The following OTUD7A variants were observed in gnomAD, a reference collection of about 807,000 sequenced individuals.
OTUD7A encodes the protein OTU domain-containing protein 7A.
A neutral mutation model predicts 65.7 loss-of-function variants in OTUD7A; 12 were observed. That is an observed-to-expected ratio of 0.18 (90% CI 0.12 to 0.30). OTUD7A has a LOEUF of 0.30. Among genes scored for constraint, OTUD7A ranks in the 10% least tolerant of loss-of-function variants. The pLI, the probability that OTUD7A is intolerant of heterozygous loss-of-function variation, is 1.00. For synonymous variants in OTUD7A, 641 were observed against 586.3 expected (o/e 1.09, Z -1.35); for missense variants, 1,148 against 1,304.8 (o/e 0.88, Z 1.85).
chr15:31,857,262 C>T (rs1897599848), intron 1 of OTUD7A, among the ~76,000 whole-genome samples: 1 of 152,198 alleles, frequency 6.6e-6, no homozygotes. Flanking sequence ...ACGGTAGCAC[C>T]TAGGGCCTGC....
intron 1 of OTUD7A, among the ~76,000 whole-genome samples, chr15:31,682,501 C>T (rs191244644): frequency 2.1e-4 from 32 of 152,268 alleles, no homozygotes; most frequent in African/African-American, 6.5e-4. Flanking sequence ...CCTCCTGTGG[C>T]CAAGACAGTA....
At chr15:31,540,341 A>G (rs190198584) in intron 5 of OTUD7A, among the ~76,000 whole-genome samples, 68 of 152,324 alleles carry the variant, frequency 4.5e-4, no homozygotes, top group African/African-American at 1.5e-3. Flanking sequence ...AGACCAACTG[A>G]TTCAAGTTGA....
At chr15:31,577,831 A>G (rs1029557841) in intron 3 of OTUD7A, among the ~76,000 whole-genome samples, 15 of 150,852 alleles carry the variant, frequency 9.9e-5, no homozygotes, top group Non-Finnish European at 2.1e-4. Flanking sequence ...AAAAAAAAAA[A>G]AAACAACACA....
intron 3 of OTUD7A, among the ~76,000 whole-genome samples, chr15:31,589,088 C>T (rs1181750302): frequency 6.6e-6 from 1 of 152,180 alleles, no homozygotes; most frequent in East Asian, 1.9e-4. Flanking sequence ...GTTTTGGAAA[C>T]AGCTAGTTGC....
intron 8 of OTUD7A, among the ~76,000 whole-genome samples, chr15:31,506,578 G>T (rs758515184): frequency 6.6e-6 from 1 of 152,094 alleles, no homozygotes; most frequent in Non-Finnish European, 1.5e-5. Flanking sequence ...CAGCTAACTG[G>T]ATTAGTACTG....
intron 1 of OTUD7A, among the ~76,000 whole-genome samples, chr15:31,744,379 A>G (rs1326531071): frequency 1.3e-5 from 2 of 152,188 alleles, no homozygotes; most frequent in Admixed American, 6.5e-5. Flanking sequence ...GTCCTGTAAT[A>G]AATGAAAAAT....
chr15:31,537,708 T>G (rs1398345015), intron 5 of OTUD7A, among the ~76,000 whole-genome samples: 1 of 152,162 alleles, frequency 6.6e-6, no homozygotes. Flanking sequence ...TACAAAGGCA[T>G]AAAACTCAAC....
intron 1 of OTUD7A, among the ~76,000 whole-genome samples, chr15:31,699,035 A>G (rs961489067): frequency 2.0e-5 from 3 of 151,590 alleles, no homozygotes; most frequent in African/African-American, 7.2e-5. Flanking sequence ...TGCTTTGCTG[A>G]AGTACGAGAC....
intron 3 of OTUD7A, among the ~76,000 whole-genome samples, chr15:31,594,064 G>C (rs997753624): frequency 2.0e-5 from 3 of 152,080 alleles, no homozygotes; most frequent in Non-Finnish European, 4.4e-5. Context: ...ACCTTAAAAT[G>C]GTTCTTAAAA....
chr15:31,852,048 G>C (rs151234984), intron 1 of OTUD7A, among the ~76,000 whole-genome samples: 1 of 152,228 alleles, frequency 6.6e-6, no homozygotes, highest in East Asian at 1.9e-4. Flanking sequence ...TAGTAGAGAC[G>C]GGGTTTCACC....
intron 1 of OTUD7A, among the ~76,000 whole-genome samples, chr15:31,762,454 A>G (rs1256941910): frequency 6.6e-6 from 1 of 152,276 alleles, no homozygotes; most frequent in Non-Finnish European, 1.5e-5. Context: ...ATAAAGAACC[A>G]GAAAGACTGT....
At chr15:31,846,075 A>G (rs946548727) in intron 1 of OTUD7A, among the ~76,000 whole-genome samples, 6 of 152,202 alleles carry the variant, frequency 3.9e-5, no homozygotes, top group Non-Finnish European at 7.4e-5. Context: ...TCGGGCTTCA[A>G]GCCCCTGCAA....
chr15:31,755,966 C>A (rs908481391), intron 1 of OTUD7A, among the ~76,000 whole-genome samples: 3 of 152,156 alleles, frequency 2.0e-5, no homozygotes, highest in African/African-American at 7.2e-5. Flanking sequence ...TGGGCTTAAG[C>A]CTTCTGCAAA....
chr15:31,722,646 GGGAGTGACCAGAGCCA>G (rs1254904795), intron 1 of OTUD7A, among the ~76,000 whole-genome samples: 1 of 152,250 alleles, frequency 6.6e-6, no homozygotes, highest in African/African-American at 2.4e-5. Context: ...CTGCGGCCCA[GGGAGTGACCAGAGCCA>G]GCAGAGTTGC....
At chr15:31,594,506 G>C (rs1447135029) in intron 3 of OTUD7A, among the ~76,000 whole-genome samples, 1 of 152,204 alleles carries the variant, frequency 6.6e-6, no homozygotes, top group Non-Finnish European at 1.5e-5. Context: ...TAGCAGTGGA[G>C]TCTGCTGCAA....
chr15:31,799,225 T>C (rs1896055404), intron 1 of OTUD7A, among the ~76,000 whole-genome samples: 1 of 152,134 alleles, frequency 6.6e-6, no homozygotes, highest in African/African-American at 2.4e-5. Flanking sequence ...CTGCAGGCCA[T>C]GGAGATGGCT....
intron 1 of OTUD7A, among the ~76,000 whole-genome samples, chr15:31,799,959 C>A (rs1401978795): frequency 2.0e-5 from 3 of 152,068 alleles, no homozygotes; most frequent in African/African-American, 7.2e-5. Context: ...ATGGGGGGAA[C>A]CACACATTAT....
chr15:31,554,365 A>G (rs959125763), intron 5 of OTUD7A, among the ~76,000 whole-genome samples: 2 of 152,132 alleles, frequency 1.3e-5, no homozygotes, highest in African/African-American at 2.4e-5. Context: ...CACTGGGTCA[A>G]TCTGTCTCCA....
chr15:31,624,908 GC>G (rs1222390963), intron 3 of OTUD7A, among the ~76,000 whole-genome samples: 2 of 152,088 alleles, frequency 1.3e-5, no homozygotes, highest in Admixed American at 1.3e-4. Flanking sequence ...CTCCAAGATA[GC>G]CCCCAAGGAT....
Sources: gnomAD v4.1 joint callset for allele counts (sites outside exome capture counted in the v4.1 genomes callset) on GRCh38, gnomAD v4.1.1 for gene constraint, MANE v1.5 for transcripts, NCBI Gene and HGNC (gene_info 2026-07-23, HGNC 2026-07-21) for gene names.